NPLOC4: variants seen among roughly 807,000 people sequenced by gnomAD.
NPLOC4 encodes NPL4 homolog, ubiquitin recognition factor.
A neutral mutation model predicts 80.6 loss-of-function variants in NPLOC4; 18 were observed. That is an observed-to-expected ratio of 0.22 (90% confidence interval 0.15 to 0.33). NPLOC4 has a LOEUF of 0.33. Ranked by LOEUF, NPLOC4 falls within the 10% of genes least tolerant of loss-of-function variation. The pLI is 1.00. For missense variants in NPLOC4, 540 were observed against 786.1 expected (o/e 0.69, Z 3.74); for synonymous variants, 313 against 301.5 (o/e 1.04, Z -0.39).
chr17:81,627,133 G>A (rs1035092990), intron 2 of NPLOC4, among the ~76,000 whole-genome samples: 2 of 151,932 alleles, frequency 1.3e-5, no homozygotes, highest in African/African-American at 2.4e-5. Flanking sequence ...GCTCACTCTT[G>A]TAATCCCGGC....
Position 81,577,681 on chromosome 17 carries a change from T to C in NPLOC4, c.1282-5593A>G, listed in dbSNP as rs7405605. The stretch of plus-strand genomic sequence containing the variant: ...TCTGTCCTGCTCCATCTTCAAACTC[T>C]GCGTGCTGGCACCTGGACTCACCAT... On this transcript the variant is annotated intron_variant, in intron 12 of 16. Transcript: ENST00000331134. This position sits in a 1 kb window ranked among gnomAD's most constrained non-coding sequence, Gnocchi z 4.3. Among the ~76,000 whole-genome samples the C allele has an allele frequency of 0.15, 22,562 of 152,142 alleles. 1,999 individuals carry two copies. The highest frequency in any genetic ancestry group is 0.23 in the Admixed American group (3,550 of 15,274).
At chr17:81,606,593 A>G in intron 7 of NPLOC4, 98 bp downstream of exon 7, 2 of 1,277,608 alleles carry the variant, frequency 1.6e-6, no homozygotes, top group Non-Finnish European at 1.1e-6. Context: ...AAAATCCACC[A>G]CGCATAGTGC....
At chr17:81,599,533 C>G (rs1410184230) in intron 9 of NPLOC4, among the ~76,000 whole-genome samples, 1 of 152,162 alleles carries the variant, frequency 6.6e-6, no homozygotes, top group Non-Finnish European at 1.5e-5. Flanking sequence ...TGCTCACTGA[C>G]ACTACTAGGT....
intron 4 of NPLOC4, among the ~76,000 whole-genome samples, chr17:81,611,812 T>C (rs1017849535): frequency 6.6e-6 from 1 of 150,574 alleles, no homozygotes; most frequent in African/African-American, 2.4e-5. Flanking sequence ...ACAAAAAAAT[T>C]AGCCAGGCGT....
chr17:81,565,162 C>T (rs527559685), intron 16 of NPLOC4: 14 of 601,318 alleles, frequency 2.3e-5, no homozygotes, highest in Non-Finnish European at 3.6e-5. Flanking sequence ...AAAGGTCCCA[C>T]GCTTCCGGCG....
chr17:81,623,849 G>A (rs2144307294), intron 2 of NPLOC4, among the ~76,000 whole-genome samples: 1 of 152,066 alleles, frequency 6.6e-6, no homozygotes, highest in South Asian at 2.1e-4. Context: ...ACAGAATGGT[G>A]CGACTAAATC....
chr17:81,610,865 T>C lies in NPLOC4; in HGVS notation c.387-607A>G, dbSNP rs966688618. On this transcript the variant is annotated intron_variant, in intron 4 of 16. Transcript: ENST00000331134. Reference sequence around the variant, plus strand: ...TACTCGGGAGGCTGAGGCAGGAGAATGGCGTGAACCCGGGAAGCGGAGCTT... The same window carrying C: ...TACTCGGGAGGCTGAGGCAGGAGAACGGCGTGAACCCGGGAAGCGGAGCTT... 1.7e-4 allele frequency among the ~76,000 whole-genome samples: 11 copies of C among 63,020 alleles called. 4 individuals are homozygous for C. Among genetic ancestry groups the C allele is most frequent in the Admixed American group, 7.3e-4 (5 of 6,852 alleles). 41.3% of individuals were successfully genotyped at this position (63,020 alleles called of 152,430 possible).
chr17:81,592,800 A>G (rs2034784907), intron 11 of NPLOC4, among the ~76,000 whole-genome samples: 2 of 152,176 alleles, frequency 1.3e-5, no homozygotes, highest in South Asian at 4.1e-4. Flanking sequence ...CCTGGCCAAC[A>G]TGGTGAAACC....
chr17:81,596,127 G>A lies in NPLOC4; in HGVS notation c.1109C>T (p.Ala370Val). ...TGTCCCTGTTATACCTGTAGCCACT[G>A]CAGTAACAAACTTGGATCCAAAATG... ...DGHFGSKFVT[A>V]VATGGPDNQV... The change falls in exon 11 of 17, where the codon GCA becomes GTA. Residue 370 changes from alanine (A) to valine (V), a missense_variant. By Grantham distance (64) the Ala-to-Val change is moderately conservative. This residue lies in a region of NPLOC4 where 251 missense variants were observed against 377.5 expected (regional missense o/e 0.66). Coordinates refer to ENST00000331134, the MANE Select transcript of NPLOC4 (RefSeq NM_017921.4). The A allele has an allele frequency of 6.2e-7, 1 of 1,613,878 alleles. No homozygotes were observed. Among genetic ancestry groups the A allele is most frequent in the Non-Finnish European group, 8.5e-7 (1 of 1,179,808 alleles).
At position 81,572,412 on chromosome 17, in the gene NPLOC4, C is replaced by T. The variant is rs192165779; in HGVS notation, c.1282-324G>A. Among the ~76,000 whole-genome samples, 507 of 152,092 alleles carry T rather than the reference C, an allele frequency of 3.3e-3. 1 individual carries two copies. Among genetic ancestry groups the T allele is most frequent in the African/African-American group, 0.011 (470 of 41,482 alleles). On this transcript the variant is annotated intron_variant, in intron 12 of 16. Coordinates refer to ENST00000331134, the MANE Select transcript of NPLOC4 (RefSeq NM_017921.4). This position sits in a 1 kb window ranked among gnomAD's most constrained non-coding sequence, Gnocchi z 4.5. ...TTCACTGTGTTTGCCAGGATGGTCT[C>T]GATCTCCTGACCTCGTGATCCACCC...
At chr17:81,604,134 C>G (rs2035136878) in intron 8 of NPLOC4, among the ~76,000 whole-genome samples, 1 of 152,070 alleles carries the variant, frequency 6.6e-6, no homozygotes, top group Non-Finnish European at 1.5e-5. Flanking sequence ...TTTTGTTACT[C>G]TGGTGACACT....
chr17:81,588,004 T>C (rs2034635847), intron 12 of NPLOC4: 1 of 152,152 alleles, frequency 6.6e-6, no homozygotes, highest in Non-Finnish European at 1.5e-5. Context: ...GTATCCCCTA[T>C]GTTCAAAGAG....
At chr17:81,575,365 T>C (rs575314751) in intron 12 of NPLOC4, among the ~76,000 whole-genome samples, 1 of 152,224 alleles carries the variant, frequency 6.6e-6, no homozygotes, top group Non-Finnish European at 1.5e-5. Flanking sequence ...CCTCCCAAAG[T>C]GCTGGGACTA....
intron 12 of NPLOC4, among the ~76,000 whole-genome samples, chr17:81,575,641 G>GC (rs2034277742): frequency 6.6e-6 from 1 of 152,022 alleles, no homozygotes; most frequent in Non-Finnish European, 1.5e-5. Flanking sequence ...TAGAGACTGG[G>GC]CCCCCCACAC....
chr17:81,566,620 C>G (rs561916405), intron 15 of NPLOC4: 1 of 152,262 alleles, frequency 6.6e-6, no homozygotes, highest in East Asian at 1.9e-4. Context: ...AGACAAAATA[C>G]AGACACAAAA....
chr17:81,583,679 G>A (rs188868225), intron 12 of NPLOC4, among the ~76,000 whole-genome samples: 9 of 152,194 alleles, frequency 5.9e-5, no homozygotes, highest in African/African-American at 2.2e-4. Flanking sequence ...CTTCTCCAAG[G>A]CCAGCATCTG....
At chr17:81,613,091 T>G in intron 4 of NPLOC4, 1 of 433,302 alleles carries the variant, frequency 2.3e-6, no homozygotes, top group Non-Finnish European at 4.0e-6. Flanking sequence ...AAATTTTTTA[T>G]GGGAACATAT....
intron 1 of NPLOC4, 130 bp from the exon 2 acceptor site, chr17:81,629,935 T>C: frequency 1.5e-6 from 1 of 670,570 alleles, no homozygotes; most frequent in South Asian, 1.8e-5. Context: ...TCTTCACCTT[T>C]CAATACCCAG....
At chr17:81,611,946 C>T (rs1223152872) in intron 4 of NPLOC4, among the ~76,000 whole-genome samples, 7 of 124,376 alleles carry the variant, frequency 5.6e-5, no homozygotes, top group East Asian at 2.2e-4. Context: ...GGTGACAGAG[C>T]GAGAGTCCAT....
Sources: gnomAD v4.1 joint callset for allele counts (sites outside exome capture counted in the v4.1 genomes callset) on GRCh38, gnomAD v4.1.1 for gene constraint, gnomAD v4.1.1 regional missense constraint, Gnocchi (gnomAD v3.1) non-coding constraint, MANE v1.5 for transcripts, NCBI Gene and HGNC (gene_info 2026-07-23, HGNC 2026-07-21) for gene names.